SIPA1L2: variants seen among roughly 807,000 people sequenced by gnomAD.
The protein encoded by SIPA1L2 is signal induced proliferation associated 1 like 2, also known as signal-induced proliferation-associated 1-like protein 2.
In SIPA1L2, 56 loss-of-function variants were observed where a neutral mutation model predicts 163.9. The ratio of observed to expected loss-of-function variants is 0.34; its 90% CI spans 0.28 to 0.43. The LOEUF is 0.43. Ranked by LOEUF, SIPA1L2 falls within the 20% of genes least tolerant of loss-of-function variation. SIPA1L2 has a pLI of 1.00. For synonymous variants in SIPA1L2, 877 were observed against 865.7 expected, an observed-to-expected ratio of 1.01 and a Z score of -0.23; for missense variants, 1,974 against 2,193.5, an observed-to-expected ratio of 0.90 and a Z score of 2.00.
chr1:232,549,864 A>G (rs1658274719), intron 2 of SIPA1L2, among the ~76,000 whole-genome samples: 1 of 152,234 alleles, frequency 6.6e-6, no homozygotes, highest in South Asian at 2.1e-4. Context: ...TTAGATTATA[A>G]TAACCAGCAG....
At chr1:232,592,174 CACTT>C (rs1294530411) in intron 1 of SIPA1L2, among the ~76,000 whole-genome samples, 1 of 152,246 alleles carries the variant, frequency 6.6e-6, no homozygotes, top group Non-Finnish European at 1.5e-5. Flanking sequence ...TACACACACA[CACTT>C]ACTTAGAGGC....
intron 5 of SIPA1L2, among the ~76,000 whole-genome samples, chr1:232,485,108 T>TA (rs1259963075): frequency 6.6e-6 from 1 of 152,230 alleles, no homozygotes; most frequent in Admixed American, 6.5e-5. Flanking sequence ...ACATGCTGGA[T>TA]AAACTTAGAG....
At chr1:232,483,393 C>CATT (rs1218099807) in intron 6 of SIPA1L2, among the ~76,000 whole-genome samples, 1 of 151,882 alleles carries the variant, frequency 6.6e-6, no homozygotes, top group African/African-American at 2.4e-5. Flanking sequence ...CAAAATAAGC[C>CATT]CAATAACACA....
chr1:232,446,254 C>T (rs552617417), intron 10 of SIPA1L2, among the ~76,000 whole-genome samples: 3 of 152,238 alleles, frequency 2.0e-5, no homozygotes, highest in East Asian at 1.9e-4. Flanking sequence ...GTACTATCTC[C>T]GGTAATTAGA....
chr1:232,406,042 G>A (rs574833600), intron 19 of SIPA1L2, among the ~76,000 whole-genome samples: 27 of 152,300 alleles, frequency 1.8e-4, no homozygotes, highest in Non-Finnish European at 3.4e-4. Flanking sequence ...CTTTGGAATT[G>A]AAAAGCTTGG....
chr1:232,558,922 G>C (rs1016656679), intron 2 of SIPA1L2, among the ~76,000 whole-genome samples: 7 of 152,164 alleles, frequency 4.6e-5, no homozygotes, highest in African/African-American at 1.7e-4. Flanking sequence ...AAACAGTTTG[G>C]TTTCACCAGT....
intron 17 of SIPA1L2, among the ~76,000 whole-genome samples, chr1:232,427,543 C>T (rs1164709987): frequency 1.3e-5 from 2 of 152,170 alleles, no homozygotes; most frequent in Non-Finnish European, 2.9e-5. Flanking sequence ...GACTCTGGCA[C>T]CAAATATTTA....
chr1:232,417,344 G>A (rs1443611249), intron 18 of SIPA1L2, among the ~76,000 whole-genome samples: 2 of 152,128 alleles, frequency 1.3e-5, no homozygotes, highest in East Asian at 1.9e-4. Context: ...ATTATTCCCT[G>A]CCTCTATTTT....
intron 5 of SIPA1L2, among the ~76,000 whole-genome samples, chr1:232,489,654 C>T (rs919370878): frequency 6.6e-6 from 1 of 152,138 alleles, no homozygotes; most frequent in Middle Eastern, 3.2e-3. Context: ...TCTGCGGTGC[C>T]AAATATTCAA....
intron 2 of SIPA1L2, among the ~76,000 whole-genome samples, chr1:232,540,005 T>C (rs779368930): frequency 5.7e-4 from 86 of 152,114 alleles, no homozygotes; most frequent in Non-Finnish European, 9.9e-4. Flanking sequence ...TCCCAGCAAG[T>C]TAAAACTTCA....
At chr1:232,607,631 G>A (rs12142056) in intron 1 of SIPA1L2, among the ~76,000 whole-genome samples, 2 of 151,692 alleles carry the variant, frequency 1.3e-5, no homozygotes, top group East Asian at 3.9e-4. Context: ...ACTTCTCCTC[G>A]TATTTATTAA....
At chr1:232,415,776 G>A (rs1388786112) in intron 18 of SIPA1L2, 151 bp from the exon 19 acceptor site, 11 of 872,880 alleles carry the variant, frequency 1.3e-5, no homozygotes, top group African/African-American at 5.7e-5. Flanking sequence ...GTCAGAACAC[G>A]GGCACCACTG....
In SIPA1L2 at chr1:232,514,498, C is replaced by T. The variant is rs1001333078; in HGVS notation, c.842G>A (p.Arg281Lys). 3 of 1,614,198 alleles carry T rather than the reference C, an allele frequency of 1.9e-6. No individual in the cohort carries two copies. The highest frequency in any genetic ancestry group is 3.3e-5 in the Admixed American group (2 of 60,026). ...GRDRDKPFKRRLKSESVETSL... is the reference protein window; with the variant it reads ...GRDRDKPFKRKLKSESVETSL... ...TGTTTCCACCGACTCTGATTTCAAC[C>T]TCCGTTTGAAAGGCTTGTCCCTGTC... The change falls in exon 3 of 23, where the codon AGG becomes AAG. Residue 281 changes from arginine to lysine, a missense_variant. Coordinates refer to ENST00000674635, the MANE Select transcript of SIPA1L2 (RefSeq NM_020808.5).
At chr1:232,609,359 T>C (rs1662121599) in intron 1 of SIPA1L2, among the ~76,000 whole-genome samples, 1 of 152,224 alleles carries the variant, frequency 6.6e-6, no homozygotes, top group African/African-American at 2.4e-5. Context: ...AAGTTTAAAA[T>C]GAATATGCTG....
Position 232,439,476 on chromosome 1 carries a change from G to A in SIPA1L2, c.3663C>T (p.Ser1221=). ...AGAGCGTGTTGCTGCTGGAGTGACT[G>A]GAGCAACTTTTATCCCCAATCTTCA... ...KLSHIGDKSC[S]SHSSSNTLSS... Residue 1221 remains serine (S), a synonymous_variant, in exon 15 of 23, where the codon TCC becomes TCT. Transcript: ENST00000674635. The A allele has an allele frequency of 3.1e-6, 5 of 1,612,770 alleles. No homozygotes were observed. The South Asian group carries it at 5.5e-5, about 18-fold the overall frequency.
chr1:232,428,240 A>G (rs995691873), intron 17 of SIPA1L2, among the ~76,000 whole-genome samples, 171 bp downstream of exon 17: 1 of 151,814 alleles, frequency 6.6e-6, no homozygotes, highest in African/African-American at 2.4e-5. Context: ...CCCTTCACAT[A>G]CTGATACAAT....
At chr1:232,614,550 G>A (rs1662408291) in intron 1 of SIPA1L2, among the ~76,000 whole-genome samples, 1 of 152,154 alleles carries the variant, frequency 6.6e-6, no homozygotes, top group Non-Finnish European at 1.5e-5. Flanking sequence ...CGCAGCTACT[G>A]CCCCCAAATC....
chr1:232,482,164 T>C (rs1166257200), intron 6 of SIPA1L2, among the ~76,000 whole-genome samples: 2 of 152,208 alleles, frequency 1.3e-5, no homozygotes, highest in African/African-American at 4.8e-5. Flanking sequence ...ATACTACATC[T>C]GCAATGTATC....
rs975888458 is a variant in SIPA1L2 at position 232,474,713 on chromosome 1, C to T, written c.2086-3185G>A. On this transcript the variant is annotated intron_variant, in intron 7 of 22. Coordinates refer to ENST00000674635, the MANE Select transcript of SIPA1L2 (RefSeq NM_020808.5). The stretch of plus-strand genomic sequence containing the variant: ...ATTGTATGCAGGTATCAAAATACAG[C>T]GTGTAACCCCAAAATATGTACAACT... Among the ~76,000 whole-genome samples, 7 of 151,570 alleles carry T rather than the reference C, an allele frequency of 4.6e-5. No homozygotes were observed. The East Asian group carries it at 7.7e-4, about 17-fold the overall frequency.
Sources: allele counts gnomAD v4.1 joint callset (sites outside exome capture counted in the v4.1 genomes callset), GRCh38; gene constraint gnomAD v4.1.1; transcripts MANE v1.5; gene names NCBI Gene and HGNC (gene_info 2026-07-23, HGNC 2026-07-21).